Variants in NAV3 observed in about 807,000 individuals in gnomAD.
NAV3 encodes the protein pore membrane and/or filament interacting like protein 1.
A neutral mutation model predicts 244.7 loss-of-function variants in NAV3; 87 were observed. The ratio of observed to expected loss-of-function variants is 0.36; its 90% confidence interval spans 0.30 to 0.42. NAV3 has a LOEUF of 0.42. Among genes scored for constraint, NAV3 ranks in the 20% least tolerant of loss-of-function variants. NAV3 has a pLI of 1.00. For synonymous variants in NAV3, 1,126 were observed against 1,042.2 expected (o/e 1.08, Z -1.55); for missense variants, 2,663 against 2,893.3 (o/e 0.92, Z 1.83).
chr12:77,852,218 A>C (rs1403069064), intron 1 of NAV3, among the ~76,000 whole-genome samples: 1 of 152,200 alleles, frequency 6.6e-6, no homozygotes, highest in African/African-American at 2.4e-5. Context: ...TGATTTTCAA[A>C]ATAACAGTTT....
chr12:77,666,661 T>C (rs1033579446), intron 2 of NAV3, among the ~76,000 whole-genome samples: 2 of 152,214 alleles, frequency 1.3e-5, no homozygotes, highest in Admixed American at 1.3e-4. Flanking sequence ...TAAAGGGATG[T>C]ATTGTGCTTC....
At chr12:77,659,758 C>T (rs1873337965) in intron 2 of NAV3, among the ~76,000 whole-genome samples, 3 of 152,128 alleles carry the variant, frequency 2.0e-5, no homozygotes, top group African/African-American at 7.2e-5. Flanking sequence ...GGCACATATA[C>T]ACCATGGAAT....
intron 2 of NAV3, among the ~76,000 whole-genome samples, chr12:77,709,518 T>C (rs992406290): frequency 2.0e-5 from 3 of 152,210 alleles, no homozygotes; most frequent in Admixed American, 2.0e-4. Context: ...TAAACTATTA[T>C]GGGTGCCATG....
intron 12 of NAV3, among the ~76,000 whole-genome samples, chr12:78,107,622 T>A (rs765413367): frequency 7.3e-5 from 11 of 151,460 alleles, no homozygotes; most frequent in Non-Finnish European, 1.6e-4. Context: ...AAAAAAACTA[T>A]CAGCCTTAAA....
At chr12:78,111,624 A>T (rs1955097582) in intron 12 of NAV3, among the ~76,000 whole-genome samples, 1 of 152,184 alleles carries the variant, frequency 6.6e-6, no homozygotes, top group Admixed American at 6.5e-5. Flanking sequence ...GATATGGAGC[A>T]ACTGAAATTC....
At chr12:78,161,306 T>TC (rs1262947567) in intron 23 of NAV3, among the ~76,000 whole-genome samples, 1 of 152,118 alleles carries the variant, frequency 6.6e-6, no homozygotes, top group African/African-American at 2.4e-5. Flanking sequence ...TTTCTCTTTT[T>TC]CCCTTGAAAA....
intron 2 of NAV3, among the ~76,000 whole-genome samples, chr12:77,573,969 A>T (rs2136650059): frequency 6.6e-6 from 1 of 152,256 alleles, no homozygotes; most frequent in Non-Finnish European, 1.5e-5. Flanking sequence ...TTGTAATGAC[A>T]CTTCGTTTAC....
chr12:78,157,053 T>TA (rs1957333980), intron 22 of NAV3, among the ~76,000 whole-genome samples: 1 of 152,032 alleles, frequency 6.6e-6, no homozygotes, highest in African/African-American at 2.4e-5. Flanking sequence ...AGAAAATAAT[T>TA]ACCACAGAAG....
Position 77,648,310 on chromosome 12 carries a change from T to TAC in NAV3, c.72+76054_72+76055dup, listed in dbSNP as rs1179538736. On this transcript the variant is annotated intron_variant, in intron 2 of 8. Coordinates refer to the NAV3 transcript ENST00000550042. ...ATCTTTTCAGAAGCACACATACTCGTACACACACACAGAGACACCCTTAAT... is the reference window on the plus strand; with the variant it reads ...ATCTTTTCAGAAGCACACATACTCGTACACACACACACAGAGACACCCTTAAT... Among the ~76,000 whole-genome samples the TAC allele has an allele frequency of 7.9e-5, 12 of 152,124 alleles. No homozygotes were observed. In the South Asian group the frequency reaches 1.0e-3, roughly 13 times the overall value.
In NAV3 at chr12:78,050,061, G is replaced by A. The variant is rs1882501996; in HGVS notation, c.2092G>A (p.Glu698Lys). 6.2e-7 allele frequency: 1 copy of A among 1,613,196 alleles called. No individual in the cohort carries two copies. Among genetic ancestry groups the A allele is most frequent in the African/African-American group, 1.3e-5 (1 of 74,878 alleles). Residue 698 changes from glutamate to lysine, a missense_variant, in exon 10 of 40, where the codon GAG becomes AAG. This residue lies in a region of NAV3 where 1,521 missense variants were observed against 1,497.0 expected (regional missense o/e 1.02). Transcript: ENST00000397909. ...AGCAGACTTGAGGCAGAATTTAGAA[G>A]AGACTATGTCCAGTCTTCGTGGGAC... is the stretch of plus-strand genomic sequence containing the variant. ...NIADLRQNLE[E>K]TMSSLRGTQI... is the part of the protein sequence containing the mutation.
At chr12:77,731,329 A>G (rs1877118502) in intron 2 of NAV3, among the ~76,000 whole-genome samples, 1 of 152,038 alleles carries the variant, frequency 6.6e-6, no homozygotes, top group Non-Finnish European at 1.5e-5. Context: ...TCTATTGTAG[A>G]GAGTTATAGA....
intron 2 of NAV3, among the ~76,000 whole-genome samples, chr12:77,591,630 T>C (rs1020707641): frequency 6.6e-6 from 1 of 152,220 alleles, no homozygotes; most frequent in South Asian, 2.1e-4. Context: ...AGTGTGTCAA[T>C]TGATTTCAAA....
intron 2 of NAV3, among the ~76,000 whole-genome samples, chr12:77,699,298 G>C (rs1592595088): frequency 6.6e-6 from 1 of 152,040 alleles, no homozygotes; most frequent in East Asian, 1.9e-4. Context: ...TCAATGCCCT[G>C]GTTCTCACAA....
chr12:78,198,990 A>G, intron 36 of NAV3: 1 of 461,492 alleles, frequency 2.2e-6, no homozygotes, highest in Non-Finnish European at 4.0e-6. Context: ...GTCCCTGGTT[A>G]AAGTAGAGCA....
intron 34 of NAV3, among the ~76,000 whole-genome samples, chr12:78,196,785 A>G (rs1307183784): frequency 6.6e-6 from 1 of 151,968 alleles, no homozygotes; most frequent in African/African-American, 2.4e-5. Context: ...CACATTAAAA[A>G]TATTAGTGGA....
chr12:77,998,404 A>G lies in NAV3; in HGVS notation c.808A>G (p.Asn270Asp). Reference sequence around the variant, plus strand: ...CAAGGTCCAGGGAGCCTCTAATTTAAATAGGAGAAGTCAGAGCTTTAACAG... The same window carrying G: ...CAAGGTCCAGGGAGCCTCTAATTTAGATAGGAGAAGTCAGAGCTTTAACAG... ...SSKVQGASNL[N>D]RRSQSFNSID... The change falls in exon 7 of 40, where the codon AAT becomes GAT. Residue 270 changes from asparagine (N) to aspartate (D), a missense_variant. Coordinates refer to ENST00000397909, the MANE Select transcript of NAV3 (RefSeq NM_001024383.2). 1.2e-6 allele frequency: 2 copies of G among 1,612,466 alleles called. No homozygotes were observed. The highest frequency in any genetic ancestry group is 1.7e-6 in the Non-Finnish European group (2 of 1,179,138).
chr12:77,706,870 C>CAAA (rs34067727), intron 2 of NAV3, among the ~76,000 whole-genome samples: 10 of 68,050 alleles, frequency 1.5e-4, no homozygotes, highest in Admixed American at 4.8e-4. Context: ...GACTCTGTTT[C>CAAA]AAAAAAAAAA....
At chr12:78,082,045 C>A (rs1232170186) in intron 12 of NAV3, among the ~76,000 whole-genome samples, 1 of 152,138 alleles carries the variant, frequency 6.6e-6, no homozygotes, top group Non-Finnish European at 1.5e-5. Context: ...GGGGACAGGG[C>A]TTTCCCATGC....
chr12:77,808,140 A>G (rs1346928465), intron 2 of NAV3, among the ~76,000 whole-genome samples: 1 of 151,870 alleles, frequency 6.6e-6, no homozygotes, highest in East Asian at 1.9e-4. Context: ...AGCTTGGAGG[A>G]GTTTGTTATT....
Sources: allele counts gnomAD v4.1 joint callset (sites outside exome capture counted in the v4.1 genomes callset), GRCh38; gene constraint gnomAD v4.1.1; regional missense constraint gnomAD v4.1.1; transcripts MANE v1.5; gene names NCBI Gene and HGNC (gene_info 2026-07-23, HGNC 2026-07-21).